Variants in GCNT3 observed in about 807,000 individuals in gnomAD.
GCNT3 encodes the protein glucosaminyl (N-acetyl) transferase 3, mucin type, also known as beta-1,3-galactosyl-O-glycosyl-glycoprotein beta-1,6-N-acetylglucosaminyltransferase 3.
For synonymous variants in GCNT3, 269 were observed against 195.2 expected (o/e 1.38, Z -3.15); for missense variants, 708 against 530.3 (o/e 1.34, Z -3.29).
In GCNT3 at chr15:59,617,433, GA is replaced by G. The variant is rs1292571640; in HGVS notation, c.-61+553del. On this transcript the variant is annotated intron_variant, in intron 2 of 2. Coordinates refer to ENST00000396065, the MANE Select transcript of GCNT3 (RefSeq NM_004751.3). ...AGCTTCTGTTTTCCTATCTATAAAAGAGGCTTAATAATACATTTCAGATTGG... is the reference window on the plus strand; with the variant it reads ...AGCTTCTGTTTTCCTATCTATAAAAGGGCTTAATAATACATTTCAGATTGG... Among the ~76,000 whole-genome samples the G allele has an allele frequency of 2.0e-5, 3 of 152,148 alleles. No individual in the cohort carries two copies. The East Asian group carries it at 5.8e-4, about 29-fold the overall frequency.
intron 1 of GCNT3, among the ~76,000 whole-genome samples, chr15:59,616,078 C>A (rs2082718404): frequency 6.6e-6 from 1 of 152,176 alleles, no homozygotes; most frequent in African/African-American, 2.4e-5. Flanking sequence ...ATAGTGTAAT[C>A]CATTCCTTAG....
At position 59,619,402 on chromosome 15, in the gene GCNT3, G is replaced by A. The variant is rs1238901390; in HGVS notation, c.1164G>A (p.Arg388=). The A allele has an allele frequency of 2.5e-6, 4 of 1,613,940 alleles. No homozygotes were observed. Among genetic ancestry groups the A allele is most frequent in the South Asian group, 1.1e-5 (1 of 91,082 alleles). ...CTCCCTGCTCTGGAATCCACCAGCG[G>A]GCTATCTGCGTTTATGGGGCTGGGG... ...PYAPCSGIHQ[R]AICVYGAGDL... Residue 388 remains arginine, a synonymous_variant, in exon 3 of 3, where the codon CGG becomes CGA. Transcript: ENST00000396065.
chr15:59,612,428 C>G (rs1180956973), intron 1 of GCNT3, among the ~76,000 whole-genome samples: 1 of 152,150 alleles, frequency 6.6e-6, no homozygotes, highest in Non-Finnish European at 1.5e-5. Flanking sequence ...ATTTTGGTTA[C>G]TGAGGGAGGT....
intron 1 of GCNT3, among the ~76,000 whole-genome samples, chr15:59,615,867 G>A (rs1425123688): frequency 2.0e-5 from 3 of 152,156 alleles, no homozygotes; most frequent in East Asian, 1.9e-4. Flanking sequence ...CAGCCTGGGC[G>A]ACAGAGCCAG....
At position 59,622,433 on chromosome 15, in the gene GCNT3, A is replaced by G. The variant is rs1227517017; in HGVS notation, c.*2878A>G. ...TATTCACTTTGCTCCCAACCCCACT[A>G]CGGAGATGACTGATGACTAGTTGTA... is the stretch of plus-strand genomic sequence containing the variant. On this transcript the variant is annotated 3_prime_UTR_variant, in exon 3 of 3. Transcript: ENST00000396065. The G allele has an allele frequency of 1.3e-5, 2 of 152,080 alleles. No individual in the cohort carries two copies. The highest frequency in any genetic ancestry group is 2.4e-5 in the African/African-American group (1 of 41,404). The allele number at this position is 152,080 out of a possible 1,614,324, so 9.4% of individuals were successfully genotyped here. A position where few individuals can be genotyped will look rare whatever the true frequency, so the allele number is the denominator to read the frequency against.
Position 59,618,515 on chromosome 15 carries a change from A to T in GCNT3, c.277A>T (p.Lys93Ter). The T allele has an allele frequency of 6.2e-7, 1 of 1,614,186 alleles. No homozygotes were observed. The highest frequency in any genetic ancestry group is 8.5e-7 in the Non-Finnish European group (1 of 1,180,028). The change falls in exon 3 of 3, where the codon AAG becomes TAG. Residue 93 changes from lysine (K) to a stop codon, truncating the protein, a stop_gained. Transcript: ENST00000396065. LOFTEE classifies it low-confidence loss of function (END_TRUNC). ...QAILNNLEVK[K>*]KREPFTDTHY... ...TATTCTGAATAACCTGGAGGTCAAG[A>T]AGAAGCGAGAGCCTTTCACAGACAC...
chr15:59,620,495 G>A lies in GCNT3; in HGVS notation c.*940G>A, dbSNP rs1437091996. 5.4e-5 allele frequency: 9 copies of A among 167,000 alleles called. No individual in the cohort carries two copies. The highest frequency in any genetic ancestry group is 1.9e-4 in the African/African-American group (8 of 41,406). The allele number at this position is 167,000 out of a possible 1,614,324, so 10.3% of individuals were successfully genotyped here. ...AATAGCAAATTCTAACGAAGACAGG[G>A]GAACAGGGATGGTTCTTCCATTGTT... On this transcript the variant is annotated 3_prime_UTR_variant, in exon 3 of 3. Transcript: ENST00000396065.
chr15:59,614,533 A>G (rs1048814178), intron 1 of GCNT3, among the ~76,000 whole-genome samples: 7 of 152,174 alleles, frequency 4.6e-5, no homozygotes, highest in Non-Finnish European at 1.0e-4. Flanking sequence ...TGGGTTATTC[A>G]TGCCTCCCCC....
At position 59,616,821 on chromosome 15, in the gene GCNT3, T is replaced by G. The variant is rs2082721754; in HGVS notation, c.-121T>G. On this transcript the variant is annotated 5_prime_UTR_variant, in exon 2 of 3. Transcript: ENST00000396065. ...GCCACGGAACACCGCCAGTCTTCACTTGGAAACAGAATCACGCCTTGTGAA... is the reference window on the plus strand; with the variant it reads ...GCCACGGAACACCGCCAGTCTTCACGTGGAAACAGAATCACGCCTTGTGAA... 6.6e-6 allele frequency: 1 copy of G among 152,222 alleles called. No homozygotes were observed. Among genetic ancestry groups the G allele is most frequent in the South Asian group, 2.1e-4 (1 of 4,820 alleles). 9.4% of individuals were successfully genotyped at this position (152,222 alleles called of 1,614,324 possible). A position where few individuals can be genotyped will look rare whatever the true frequency, so the allele number is the denominator to read the frequency against.
Position 59,618,605 on chromosome 15 carries a change from C to A in GCNT3, c.367C>A (p.Pro123Thr). The change falls in exon 3 of 3, where the codon CCA becomes ACA. Residue 123 changes from proline to threonine, a missense_variant. By Grantham distance (38) the Pro-to-Thr change is conservative. Transcript: ENST00000396065. ...FKAERKFIQFPLSKEEVEFPI... is the reference protein window; with the variant it reads ...FKAERKFIQFTLSKEEVEFPI... Reference sequence around the variant, plus strand: ...GGCTGAAAGGAAGTTCATACAGTTCCCACTGAGCAAAGAAGAGGTGGAGTT... The same window carrying A: ...GGCTGAAAGGAAGTTCATACAGTTCACACTGAGCAAAGAAGAGGTGGAGTT... The A allele has an allele frequency of 6.2e-7, 1 of 1,614,014 alleles. No individual in the cohort carries two copies.
intron 1 of GCNT3, chr15:59,616,373 C>G (rs1454610776): frequency 1.3e-5 from 2 of 152,098 alleles, no homozygotes; most frequent in East Asian, 3.8e-4. Flanking sequence ...GACATTTGGA[C>G]TCCCAAACAA....
At chr15:59,615,036 CATT>C (rs1159761322) in intron 1 of GCNT3, 1 of 152,228 alleles carries the variant, frequency 6.6e-6, no homozygotes, top group African/African-American at 2.4e-5. Flanking sequence ...ATTATTGCCT[CATT>C]ATCTTCAGGA....
chr15:59,618,599 C>T lies in GCNT3; in HGVS notation c.361C>T (p.Gln121Ter), dbSNP rs2082731372. ...CTTCAAGGCTGAAAGGAAGTTCATA[C>T]AGTTCCCACTGAGCAAAGAAGAGGT... ...EHFKAERKFI[Q>*]FPLSKEEVEF... is the part of the protein sequence containing the mutation. The change falls in exon 3 of 3, where the codon CAG (glutamine) becomes TAG (stop). Residue 121 changes from glutamine to a stop codon, truncating the protein, a stop_gained. Coordinates refer to ENST00000396065, the MANE Select transcript of GCNT3 (RefSeq NM_004751.3). LOFTEE classifies it low-confidence loss of function (END_TRUNC). 1 of 1,613,844 alleles carries T rather than the reference C, an allele frequency of 6.2e-7. No individual in the cohort carries two copies. The highest frequency in any genetic ancestry group is 8.5e-7 in the Non-Finnish European group (1 of 1,179,848).
Position 59,619,976 on chromosome 15 carries a change from G to A in GCNT3, c.*421G>A, listed in dbSNP as rs1305384484. On this transcript the variant is annotated 3_prime_UTR_variant, in exon 3 of 3. Coordinates refer to ENST00000396065, the MANE Select transcript of GCNT3 (RefSeq NM_004751.3). ...GAAAGAGAACCTTCCCTTCTGTACTGTTAACTTAAAAATAAATAGCTCCTG... is the reference window on the plus strand; with the variant it reads ...GAAAGAGAACCTTCCCTTCTGTACTATTAACTTAAAAATAAATAGCTCCTG... 3 of 173,494 alleles carry A rather than the reference G, an allele frequency of 1.7e-5. No homozygotes were observed. The highest frequency in any genetic ancestry group is 4.8e-5 in the African/African-American group (2 of 41,520). 10.7% of individuals were successfully genotyped at this position (173,494 alleles called of 1,614,324 possible). A position where few individuals can be genotyped will look rare whatever the true frequency, so the allele number is the denominator to read the frequency against.
At chr15:59,616,973 C>G (rs544548265) in intron 2 of GCNT3, 92 bp downstream of exon 2, 15 of 152,084 alleles carry the variant, frequency 9.9e-5, no homozygotes, top group Admixed American at 2.0e-4. Context: ...TTAGGAAGAG[C>G]TACAACAAGG....
In GCNT3 at chr15:59,618,695, G is replaced by T. The variant is rs1339033202; in HGVS notation, c.457G>T (p.Val153Leu). 2 of 1,614,156 alleles carry T rather than the reference G, an allele frequency of 1.2e-6. No individual in the cohort carries two copies. Residue 153 changes from valine to leucine, a missense_variant, in exon 3 of 3, where the codon GTG becomes TTG. Transcript: ENST00000396065. ...AAACTTTGAAAGGCTACTGCGAGCTGTGTATGCCCCTCAGAACATATACTG... is the reference window on the plus strand; with the variant it reads ...AAACTTTGAAAGGCTACTGCGAGCTTTGTATGCCCCTCAGAACATATACTG... ...IENFERLLRA[V>L]YAPQNIYCVH...
chr15:59,618,089 A>G, intron 2 of GCNT3, 90 bp from the exon 3 acceptor site: 1 of 558,422 alleles, frequency 1.8e-6, no homozygotes, highest in East Asian at 2.7e-5. Flanking sequence ...TTGTCCAGGT[A>G]AGAAATATTT....
At position 59,621,086 on chromosome 15, in the gene GCNT3, T is replaced by G. The variant is rs562699675; in HGVS notation, c.*1531T>G. 6.6e-6 allele frequency: 1 copy of G among 151,782 alleles called. No homozygotes were observed. Among genetic ancestry groups the G allele is most frequent in the Non-Finnish European group, 1.5e-5 (1 of 67,962 alleles). 9.4% of individuals were successfully genotyped at this position (151,782 alleles called of 1,614,324 possible). ...TTTTAGTAAAGATGGGGTTTCACCATGTTGGCCAGGTTGGTCTCAAACTCC... is the reference window on the plus strand; with the variant it reads ...TTTTAGTAAAGATGGGGTTTCACCAGGTTGGCCAGGTTGGTCTCAAACTCC... On this transcript the variant is annotated 3_prime_UTR_variant, in exon 3 of 3. Transcript: ENST00000396065.
At chr15:59,615,268 C>T (rs1428020686) in intron 1 of GCNT3, 4 of 152,166 alleles carry the variant, frequency 2.6e-5, no homozygotes, top group South Asian at 2.1e-4. Context: ...TGTGTAGCTG[C>T]ACTAAATTCA....
Sources: allele counts gnomAD v4.1 joint callset (sites outside exome capture counted in the v4.1 genomes callset), GRCh38; gene constraint gnomAD v4.1.1; transcripts MANE v1.5; gene names NCBI Gene and HGNC (gene_info 2026-07-23, HGNC 2026-07-21).